Variants in CACNA2D3 observed in about 807,000 individuals in gnomAD.
The protein encoded by CACNA2D3 is calcium voltage-gated channel auxiliary subunit alpha2delta 3, also known as voltage-dependent calcium channel subunit alpha-2/delta-3.
A neutral mutation model predicts 160.6 loss-of-function variants in CACNA2D3; 60 were observed. That is an observed-to-expected ratio of 0.37 (90% CI 0.30 to 0.46). CACNA2D3 has a LOEUF of 0.46. CACNA2D3 is among the 20% of genes least tolerant of loss of function. The pLI, the probability that CACNA2D3 is intolerant of heterozygous loss-of-function variation, is 1.00. For synonymous variants in CACNA2D3, 558 were observed against 492.9 expected (o/e 1.13, Z -1.75); for missense variants, 1,205 against 1,365.0 (o/e 0.88, Z 1.85).
At chr3:55,044,168 A>C in intron 35 of CACNA2D3, among the ~76,000 whole-genome samples, 1 of 152,146 alleles carries the variant, frequency 6.6e-6, no homozygotes, top group Admixed American at 6.5e-5. Flanking sequence ...TTTGTTTGAA[A>C]CTGGGTTGAT....
At chr3:54,640,220 C>G (rs950258244) in intron 10 of CACNA2D3, among the ~76,000 whole-genome samples, 18 of 152,160 alleles carry the variant, frequency 1.2e-4, no homozygotes, top group Middle Eastern at 3.4e-3. Context: ...AAAGAGAATA[C>G]GAAGCTAAGT....
intron 11 of CACNA2D3, among the ~76,000 whole-genome samples, chr3:54,682,994 G>C (rs1235947392): frequency 1.3e-5 from 2 of 152,086 alleles, no homozygotes; most frequent in Non-Finnish European, 2.9e-5. Flanking sequence ...AGCAAAAATT[G>C]GATCTTGGTT....
intron 11 of CACNA2D3, among the ~76,000 whole-genome samples, chr3:54,751,358 A>G (rs1358566102): frequency 6.6e-6 from 1 of 152,216 alleles, no homozygotes; most frequent in Non-Finnish European, 1.5e-5. Flanking sequence ...GGAAGAAACC[A>G]TTACCTCACA....
At chr3:54,431,066 C>T (rs781194670) in intron 4 of CACNA2D3, among the ~76,000 whole-genome samples, 62 of 151,890 alleles carry the variant, frequency 4.1e-4, no homozygotes, top group Non-Finnish European at 7.8e-4. Context: ...GGGCCTGGTG[C>T]GGTGGCTCAC....
intron 11 of CACNA2D3, among the ~76,000 whole-genome samples, chr3:54,732,619 C>T (rs780677069): frequency 3.9e-5 from 6 of 152,124 alleles, no homozygotes; most frequent in Admixed American, 3.9e-4. Context: ...CATGCTTAAG[C>T]CATTTCCCCT....
At chr3:54,854,849 G>C (rs568445665) in intron 17 of CACNA2D3, among the ~76,000 whole-genome samples, 1 of 152,078 alleles carries the variant, frequency 6.6e-6, no homozygotes, top group South Asian at 2.1e-4. Flanking sequence ...AAGTAAATTC[G>C]GGTCAGTCTT....
chr3:54,801,624 T>C (rs1484453127), intron 13 of CACNA2D3, among the ~76,000 whole-genome samples: 2 of 152,178 alleles, frequency 1.3e-5, no homozygotes, highest in Non-Finnish European at 2.9e-5. Context: ...CAGCGGTGGA[T>C]ATTAGCATCA....
chr3:54,810,607 G>A (rs565678620), intron 13 of CACNA2D3, among the ~76,000 whole-genome samples: 107 of 152,308 alleles, frequency 7.0e-4, no homozygotes, highest in African/African-American at 2.5e-3. Flanking sequence ...ATGGAATAAA[G>A]ATATGTAGGC....
chr3:54,719,034 A>G (rs1248312791), intron 11 of CACNA2D3, among the ~76,000 whole-genome samples: 1 of 152,032 alleles, frequency 6.6e-6, no homozygotes, highest in Non-Finnish European at 1.5e-5. Flanking sequence ...GAAAAGGGTT[A>G]ATGATGACTA....
chr3:54,973,684 G>A (rs933859877), intron 29 of CACNA2D3, among the ~76,000 whole-genome samples: 5 of 152,104 alleles, frequency 3.3e-5, no homozygotes, highest in African/African-American at 7.2e-5. Flanking sequence ...GTTTGAGGAC[G>A]ATTTGAATAG....
At chr3:54,164,722 C>T (rs895259034) in intron 2 of CACNA2D3, among the ~76,000 whole-genome samples, 16 of 152,088 alleles carry the variant, frequency 1.1e-4, no homozygotes, top group Middle Eastern at 3.2e-3. Context: ...GTGTGTCTGT[C>T]CTCACCCACT....
chr3:54,194,597 C>T (rs963563460), intron 2 of CACNA2D3, among the ~76,000 whole-genome samples: 10 of 152,100 alleles, frequency 6.6e-5, no homozygotes, highest in South Asian at 2.1e-4. Flanking sequence ...ACAAAATACC[C>T]GAGACTGGGT....
At chr3:54,439,171 C>T (rs548303868) in intron 4 of CACNA2D3, among the ~76,000 whole-genome samples, 9 of 152,286 alleles carry the variant, frequency 5.9e-5, no homozygotes, top group East Asian at 1.9e-4. Context: ...CTCCCATCTT[C>T]GGGTTATCAC....
At chr3:54,575,628 C>T (rs1702567739) in intron 8 of CACNA2D3, among the ~76,000 whole-genome samples, 1 of 152,146 alleles carries the variant, frequency 6.6e-6, no homozygotes, top group Admixed American at 6.5e-5. Flanking sequence ...GGAAGCAGGT[C>T]TCACAACACA....
chr3:54,223,240 C>G (rs1399366448), intron 2 of CACNA2D3, among the ~76,000 whole-genome samples: 1 of 152,152 alleles, frequency 6.6e-6, no homozygotes, highest in Non-Finnish European at 1.5e-5. Context: ...TGTACTAAAC[C>G]TAGACAGTAT....
intron 5 of CACNA2D3, among the ~76,000 whole-genome samples, chr3:54,528,688 C>T (rs6775352): frequency 0.62 from 93,958 of 152,034 alleles, 29,302 homozygotes; most frequent in Non-Finnish European, 0.65. Context: ...TGAACCTTTC[C>T]TCTAATTATT....
chr3:54,816,614 C>T (rs770889725), intron 13 of CACNA2D3, among the ~76,000 whole-genome samples: 1 of 152,116 alleles, frequency 6.6e-6, no homozygotes, highest in East Asian at 1.9e-4. Context: ...GTGGTGATTC[C>T]CAAAACACAT....
At chr3:54,708,037 A>G (rs925962525) in intron 11 of CACNA2D3, among the ~76,000 whole-genome samples, 3 of 152,218 alleles carry the variant, frequency 2.0e-5, no homozygotes, top group Admixed American at 6.5e-5. Context: ...CAAGTGCTGA[A>G]CAATGAATGA....
intron 29 of CACNA2D3, among the ~76,000 whole-genome samples, chr3:54,981,897 A>G (rs1702516989): frequency 6.6e-6 from 1 of 152,218 alleles, no homozygotes; most frequent in Admixed American, 6.5e-5. Flanking sequence ...CCTGGGTAAC[A>G]GAAAAGATAA....
Sources: allele counts gnomAD v4.1 joint callset (sites outside exome capture counted in the v4.1 genomes callset), GRCh38; gene constraint gnomAD v4.1.1; transcripts MANE v1.5; gene names NCBI Gene and HGNC (gene_info 2026-07-23, HGNC 2026-07-21).